Variants in ANKRD33B observed in about 807,000 individuals in gnomAD.
ANKRD33B encodes ankyrin repeat domain-containing protein 33B.
Under a neutral mutation model 21.5 loss-of-function variants are expected in ANKRD33B, and 6 were observed. The observed-to-expected ratio is 0.28, with a 90% CI of 0.15 to 0.55. The LOEUF is 0.55. Ranked by LOEUF, ANKRD33B falls within the 20% of genes least tolerant of loss-of-function variation. The probability of loss-of-function intolerance (pLI) is 0.94; values close to 1 mark genes in which losing one functional copy is unlikely to be tolerated. For missense variants in ANKRD33B, 698 were observed against 747.2 expected (o/e 0.93, Z 0.77); for synonymous variants, 347 against 342.4 (o/e 1.01, Z -0.15).
In ANKRD33B at chr5:10,604,190, C is replaced by CTT. The variant is rs374461177; in HGVS notation, c.367-14125_367-14124dup. Reference sequence around the variant, plus strand: ...TACAGGTGTGAGCCACCGCGCCTGGCTTTTTTTTTTTTTTTTTTTCAGACA... The same window carrying CTT: ...TACAGGTGTGAGCCACCGCGCCTGGCTTTTTTTTTTTTTTTTTTTTTCAGACA... On this transcript the variant is annotated intron_variant, in intron 1 of 3. Coordinates refer to ENST00000296657, the MANE Select transcript of ANKRD33B (RefSeq NM_001164440.2). 2.0e-3 allele frequency among the ~76,000 whole-genome samples: 199 copies of CTT among 99,338 alleles called. 7 individuals are homozygous for CTT. The highest frequency in any genetic ancestry group is 2.9e-3 in the African/African-American group (75 of 25,782). The allele number at this position is 99,338 out of a possible 152,430, so 65.2% of individuals were successfully genotyped here.
In ANKRD33B at chr5:10,564,374, A is replaced by T; in HGVS notation, c.-94A>T. 1 of 867,944 alleles carries T rather than the reference A, an allele frequency of 1.2e-6. No homozygotes were observed. The highest frequency in any genetic ancestry group is 1.4e-6 in the Non-Finnish European group (1 of 718,082). The allele number at this position is 867,944 out of a possible 1,614,324, so 53.8% of individuals were successfully genotyped here. On this transcript the variant is annotated 5_prime_UTR_variant, in exon 1 of 4. Coordinates refer to ENST00000296657, the MANE Select transcript of ANKRD33B (RefSeq NM_001164440.2). ...CGCGCGGGCCACGGCTTCTCTGGGG[A>T]CGCAGAAGCGAGAAGCGGGGACCTC...
At chr5:10,585,678 G>A (rs1735539351) in intron 1 of ANKRD33B, among the ~76,000 whole-genome samples, 1 of 152,228 alleles carries the variant, frequency 6.6e-6, no homozygotes, top group African/African-American at 2.4e-5. Flanking sequence ...GCCTTGCTGG[G>A]AGCCCTCATG....
chr5:10,579,356 T>G (rs1317846157), intron 1 of ANKRD33B, among the ~76,000 whole-genome samples: 7 of 151,202 alleles, frequency 4.6e-5, no homozygotes, highest in Admixed American at 3.3e-4. Context: ...AGTAATGGTT[T>G]TTTTTTTTTT....
intron 1 of ANKRD33B, among the ~76,000 whole-genome samples, chr5:10,615,930 G>A (rs1359993746): frequency 1.3e-5 from 2 of 152,162 alleles, no homozygotes; most frequent in African/African-American, 4.8e-5. Context: ...TCCCAAAGAG[G>A]CTGAAAACCT....
At chr5:10,584,997 G>C (rs1735524175) in intron 1 of ANKRD33B, among the ~76,000 whole-genome samples, 1 of 152,220 alleles carries the variant, frequency 6.6e-6, no homozygotes, top group Admixed American at 6.5e-5. Context: ...GGTAGAGCTG[G>C]AATGTTCTAG....
intron 1 of ANKRD33B, among the ~76,000 whole-genome samples, chr5:10,566,999 C>T (rs565367307): frequency 1.3e-5 from 2 of 152,300 alleles, no homozygotes; most frequent in East Asian, 3.9e-4. Context: ...TTCTGCCAGG[C>T]AAGGCTTTTT....
At position 10,564,288 on chromosome 5, in the gene ANKRD33B, G is replaced by A. The variant is rs867817619; in HGVS notation, c.-180G>A. ...CCCGCCCACCCCAGGGGCTCGCTCA[G>A]CCTCCGGAGACTTTTTTCTTTGAGC... On this transcript the variant is annotated 5_prime_UTR_variant, in exon 1 of 4. Transcript: ENST00000296657. The A allele has an allele frequency of 2.1e-4, 57 of 270,158 alleles. No homozygotes were observed. Among genetic ancestry groups the A allele is most frequent in the South Asian group, 4.3e-4 (3 of 7,028 alleles). 16.7% of individuals were successfully genotyped at this position (270,158 alleles called of 1,614,324 possible).
chr5:10,624,636 C>A, intron 2 of ANKRD33B: 1 of 418,508 alleles, frequency 2.4e-6, no homozygotes, highest in Non-Finnish European at 4.8e-6. Flanking sequence ...ACCATTTAAA[C>A]AAACACAGAT....
chr5:10,567,673 C>G (rs561159439), intron 1 of ANKRD33B, among the ~76,000 whole-genome samples: 2 of 152,262 alleles, frequency 1.3e-5, no homozygotes, highest in African/African-American at 4.8e-5. Flanking sequence ...ACATTTAGGG[C>G]TGAAATTATA....
intron 3 of ANKRD33B, among the ~76,000 whole-genome samples, chr5:10,646,566 G>C (rs1040280622): frequency 7.2e-5 from 11 of 152,104 alleles, no homozygotes; most frequent in Non-Finnish European, 1.5e-4. Context: ...TCTTCCTCTG[G>C]TTTTCCATTA....
At chr5:10,613,679 T>A (rs1427371776) in intron 1 of ANKRD33B, among the ~76,000 whole-genome samples, 1 of 152,042 alleles carries the variant, frequency 6.6e-6, no homozygotes, top group Non-Finnish European at 1.5e-5. Context: ...GGAGGGCAGA[T>A]CACAAGGTCA....
chr5:10,590,970 C>T (rs1339641861), intron 1 of ANKRD33B, among the ~76,000 whole-genome samples: 1 of 152,150 alleles, frequency 6.6e-6, no homozygotes, highest in Admixed American at 6.5e-5. Flanking sequence ...TTCAGTTGTT[C>T]TCAGGGGAAA....
intron 3 of ANKRD33B, among the ~76,000 whole-genome samples, chr5:10,646,427 C>A (rs748811600): frequency 1.3e-4 from 20 of 152,264 alleles, no homozygotes; most frequent in Non-Finnish European, 2.1e-4. Flanking sequence ...GGCAGCAGAT[C>A]CCTAATTTAT....
intron 1 of ANKRD33B, among the ~76,000 whole-genome samples, chr5:10,615,999 A>G (rs1381077135): frequency 3.9e-5 from 6 of 152,198 alleles, no homozygotes; most frequent in African/African-American, 1.2e-4. Flanking sequence ...AAATTAGATT[A>G]TTGTGAAACA....
intron 1 of ANKRD33B, among the ~76,000 whole-genome samples, chr5:10,579,305 A>G (rs1372641473): frequency 6.6e-6 from 1 of 151,628 alleles, no homozygotes; most frequent in Non-Finnish European, 1.5e-5. Flanking sequence ...CATAGACAGG[A>G]AGGCTATTTT....
At chr5:10,611,593 G>C (rs1736173365) in intron 1 of ANKRD33B, among the ~76,000 whole-genome samples, 1 of 152,170 alleles carries the variant, frequency 6.6e-6, no homozygotes, top group African/African-American at 2.4e-5. Context: ...TGTAGGGATT[G>C]ACCCTTGGGT....
In ANKRD33B at chr5:10,618,728, G is replaced by A. The variant is rs566880372; in HGVS notation, c.496+266G>A. Among the ~76,000 whole-genome samples the A allele has an allele frequency of 3.9e-5, 6 of 152,152 alleles. 1 individual carries two copies. Among genetic ancestry groups the A allele is most frequent in the East Asian group, 1.9e-4 (1 of 5,196 alleles). ...GTACCAGAAAGCCACCCTTGTCACC[G>A]CTTCACCTGAAGCCTCACACTCCAT... On this transcript the variant is annotated intron_variant, in intron 2 of 3. Coordinates refer to ENST00000296657, the MANE Select transcript of ANKRD33B (RefSeq NM_001164440.2).
At chr5:10,622,781 T>C (rs1736448071) in intron 2 of ANKRD33B, among the ~76,000 whole-genome samples, 1 of 149,634 alleles carries the variant, frequency 6.7e-6, no homozygotes, top group Non-Finnish European at 1.5e-5. Flanking sequence ...TCCAGGGTTG[T>C]TTTTTGTTTT....
intron 3 of ANKRD33B, among the ~76,000 whole-genome samples, chr5:10,638,767 C>T (rs976002511): frequency 3.3e-5 from 5 of 151,270 alleles, no homozygotes; most frequent in African/African-American, 7.3e-5. Flanking sequence ...CGTTAGGAGG[C>T]GACATGTTGC....
Sources: gnomAD v4.1 joint callset for allele counts (sites outside exome capture counted in the v4.1 genomes callset) on GRCh38, gnomAD v4.1.1 for gene constraint, MANE v1.5 for transcripts, NCBI Gene and HGNC (gene_info 2026-07-23, HGNC 2026-07-21) for gene names.